Variants in USP13 observed in about 807,000 individuals in gnomAD.
USP13 encodes ubiquitin specific peptidase 13.
USP13 carries 68 observed loss-of-function variants against 107.8 expected under a neutral mutation model. The ratio of observed to expected loss-of-function variants is 0.63; its 90% CI spans 0.52 to 0.77. The LOEUF is 0.77. Ranked by LOEUF, USP13 falls within the 30% of genes least tolerant of loss-of-function variation. The probability of loss-of-function intolerance (pLI) is 0.00; values close to 1 mark genes in which losing one functional copy is unlikely to be tolerated. For synonymous variants in USP13, 377 were observed against 389.5 expected (o/e 0.97, Z 0.38); for missense variants, 945 against 1,093.3 (o/e 0.86, Z 1.91).
At chr3:179,718,179 G>A (rs908920322) in intron 6 of USP13, among the ~76,000 whole-genome samples, 3 of 151,980 alleles carry the variant, frequency 2.0e-5, no homozygotes, top group African/African-American at 7.3e-5. Context: ...GAAATTGTGG[G>A]TTTTGAGTCT....
chr3:179,739,331 G>C (rs1714105933), intron 10 of USP13, among the ~76,000 whole-genome samples: 1 of 152,200 alleles, frequency 6.6e-6, no homozygotes, highest in East Asian at 1.9e-4. Flanking sequence ...GCTGCAGCCA[G>C]GTGAGGGGCA....
At chr3:179,750,835 G>A (rs1714584571) in intron 13 of USP13, among the ~76,000 whole-genome samples, 1 of 152,176 alleles carries the variant, frequency 6.6e-6, no homozygotes, top group African/African-American at 2.4e-5. Context: ...TCAGTGGTTT[G>A]CCCAGATTTG....
intron 6 of USP13, among the ~76,000 whole-genome samples, chr3:179,718,168 A>C (rs994971082): frequency 1.4e-4 from 21 of 152,200 alleles, no homozygotes; most frequent in Non-Finnish European, 3.1e-4. Flanking sequence ...ATAAGAGCAA[A>C]GAAATTGTGG....
chr3:179,751,090 A>G lies in USP13; in HGVS notation c.1710-1195A>G, dbSNP rs150183235. Among the ~76,000 whole-genome samples, 349 of 152,222 alleles carry G rather than the reference A, an allele frequency of 2.3e-3. 4 individuals carry two copies. The highest frequency in any genetic ancestry group is 8.1e-3 in the African/African-American group (336 of 41,518). ...TATCTGTGATACCTATAAACAGCTC[A>G]TTTTCTTTTTTACATATACCTACCA... On this transcript the variant is annotated intron_variant, in intron 13 of 20. Coordinates refer to ENST00000263966, the MANE Select transcript of USP13 (RefSeq NM_003940.3).
intron 19 of USP13, among the ~76,000 whole-genome samples, chr3:179,770,617 T>TA (rs1715314784): frequency 6.6e-6 from 1 of 152,090 alleles, no homozygotes; most frequent in African/African-American, 2.4e-5. Flanking sequence ...GAATTTTTTT[T>TA]TTTTTTGAGA....
At chr3:179,682,765 C>T (rs1432376522) in intron 2 of USP13, among the ~76,000 whole-genome samples, 1 of 152,120 alleles carries the variant, frequency 6.6e-6, no homozygotes, top group African/African-American at 2.4e-5. Flanking sequence ...GTAAAGAATG[C>T]AGCAATTAAC....
chr3:179,740,731 A>G (rs1231557751), intron 11 of USP13, among the ~76,000 whole-genome samples: 3 of 151,510 alleles, frequency 2.0e-5, no homozygotes, highest in Non-Finnish European at 4.4e-5. Context: ...CTCAAAGATG[A>G]TGAGTCTGCT....
intron 1 of USP13, among the ~76,000 whole-genome samples, chr3:179,655,172 G>A (rs1431294308): frequency 6.6e-6 from 1 of 152,116 alleles, no homozygotes; most frequent in East Asian, 1.9e-4. Context: ...AGCACAACAT[G>A]GAAAGTGGGT....
rs145939821 is a variant in USP13 at position 179,757,791 on chromosome 3, T to C, written c.1948+713T>C. 1.1e-3 allele frequency among the ~76,000 whole-genome samples: 163 copies of C among 152,332 alleles called. 1 individual carries two copies. The highest frequency in any genetic ancestry group is 3.7e-3 in the African/African-American group (155 of 41,580). On this transcript the variant is annotated intron_variant, in intron 16 of 20. Coordinates refer to ENST00000263966, the MANE Select transcript of USP13 (RefSeq NM_003940.3). ...ATTGATCATGTAGCTTAGACCTCTA[T>C]GTCTCCTTTCTTGAAACAATTATGT...
At chr3:179,765,977 GTTTT>G in intron 19 of USP13, 129 bp downstream of exon 19, 1 of 743,280 alleles carries the variant, frequency 1.3e-6, no homozygotes, top group Non-Finnish European at 1.9e-6. Flanking sequence ...CATCTTCTTC[GTTTT>G]TTTTTTTTTT....
At chr3:179,778,742 G>C (rs1249069647) in intron 19 of USP13, among the ~76,000 whole-genome samples, 2 of 152,032 alleles carry the variant, frequency 1.3e-5, no homozygotes, top group East Asian at 3.9e-4. Context: ...TTCCAGCCTG[G>C]GTAACAAGGG....
intron 19 of USP13, among the ~76,000 whole-genome samples, chr3:179,774,861 G>A (rs1337194684): frequency 1.3e-5 from 2 of 152,192 alleles, no homozygotes; most frequent in African/African-American, 4.8e-5. Flanking sequence ...GGTGCTGATT[G>A]GTGCATTTAC....
chr3:179,693,980 A>G (rs1040490001), intron 3 of USP13, among the ~76,000 whole-genome samples: 1 of 151,212 alleles, frequency 6.6e-6, no homozygotes, highest in Admixed American at 6.6e-5. Context: ...CACCTGGCCT[A>G]TTTATTTTTG....
At chr3:179,662,956 C>T (rs1173581630) in intron 1 of USP13, among the ~76,000 whole-genome samples, 2 of 152,148 alleles carry the variant, frequency 1.3e-5, no homozygotes, top group Admixed American at 1.3e-4. Flanking sequence ...CCCTCTCTCT[C>T]TTTTTATTTT....
intron 3 of USP13, among the ~76,000 whole-genome samples, chr3:179,698,119 TA>T (rs1367987618): frequency 6.6e-6 from 1 of 152,156 alleles, no homozygotes; most frequent in Non-Finnish European, 1.5e-5. Context: ...GCTAGGAACA[TA>T]GGAGGTAAGA....
chr3:179,656,623 C>T (rs1192783064), intron 1 of USP13, among the ~76,000 whole-genome samples: 1 of 152,228 alleles, frequency 6.6e-6, no homozygotes, highest in Non-Finnish European at 1.5e-5. Context: ...GTTCACCTCT[C>T]CATGGTTTGG....
chr3:179,764,823 T>C (rs1290451277), intron 18 of USP13, among the ~76,000 whole-genome samples: 1 of 152,190 alleles, frequency 6.6e-6, no homozygotes, highest in African/African-American at 2.4e-5. Context: ...TGAGTAGATA[T>C]CTGCTCTCAA....
chr3:179,677,029 T>C (rs1352128472), intron 1 of USP13, among the ~76,000 whole-genome samples: 10 of 151,998 alleles, frequency 6.6e-5, no homozygotes, highest in African/African-American at 2.2e-4. Context: ...AGCTAAGTTT[T>C]GTATTTTTAG....
intron 6 of USP13, among the ~76,000 whole-genome samples, chr3:179,715,539 A>AT (rs1447583237): frequency 1.3e-5 from 2 of 149,594 alleles, no homozygotes; most frequent in African/African-American, 4.9e-5. Flanking sequence ...TAATTTTTGT[A>AT]TTTTTAGTAG....
Sources: gnomAD v4.1 joint callset for allele counts (sites outside exome capture counted in the v4.1 genomes callset) on GRCh38, gnomAD v4.1.1 for gene constraint, MANE v1.5 for transcripts, NCBI Gene and HGNC (gene_info 2026-07-23, HGNC 2026-07-21) for gene names.